Variants in LAMA3 observed in about 807,000 individuals in gnomAD.
LAMA3 encodes laminin subunit alpha 3, also known as laminin subunit alpha-3.
A neutral mutation model predicts 402.0 loss-of-function variants in LAMA3; 281 were observed. The ratio of observed to expected loss-of-function variants is 0.70; its 90% CI spans 0.63 to 0.77. The LOEUF (loss-of-function observed/expected upper bound fraction) is 0.77, where lower values mean the gene tolerates loss of function less well. Ranked by LOEUF, LAMA3 falls within the 30% of genes least tolerant of loss-of-function variation. The pLI, the probability that LAMA3 is intolerant of heterozygous loss-of-function variation, is 0.00. For synonymous variants in LAMA3, 1,431 were observed against 1,558.4 expected, an observed-to-expected ratio of 0.92 and a Z score of 1.93; for missense variants, 3,840 against 4,215.5, an observed-to-expected ratio of 0.91 and a Z score of 2.47.
chr18:23,767,819 C>T (rs766228291), intron 8 of LAMA3, among the ~76,000 whole-genome samples: 5 of 151,936 alleles, frequency 3.3e-5, no homozygotes, highest in African/African-American at 7.3e-5. Flanking sequence ...GTGACCCACC[C>T]GCTTCAGCCT....
intron 1 of LAMA3, among the ~76,000 whole-genome samples, chr18:23,697,502 C>T (rs1380308446): frequency 1.3e-5 from 2 of 152,170 alleles, no homozygotes; most frequent in Non-Finnish European, 2.9e-5. Flanking sequence ...GGTGCCTCCA[C>T]TGAGACTTCC....
At position 23,718,372 on chromosome 18, in the gene LAMA3, C is replaced by T. The variant is rs190152214; in HGVS notation, c.447+4300C>T. Among the ~76,000 whole-genome samples, 543 of 152,128 alleles carry T rather than the reference C, an allele frequency of 3.6e-3. 6 individuals carry two copies. Among genetic ancestry groups the T allele is most frequent in the Admixed American group, 5.4e-3 (83 of 15,288 alleles). On this transcript the variant is annotated intron_variant, in intron 2 of 74. Transcript: ENST00000313654. ...GTTCCTATGGTCCATGACTTCAGCC[C>T]CCGCAGAGCAAGCCTGACTCATTGT...
At chr18:23,849,420 C>A (rs1425979364) in intron 32 of LAMA3, among the ~76,000 whole-genome samples, 1 of 152,130 alleles carries the variant, frequency 6.6e-6, no homozygotes, top group Non-Finnish European at 1.5e-5. Context: ...GCAAAGGAAC[C>A]AAGGGGGAGA....
chr18:23,855,170 TATTA>T (rs1301934069), intron 32 of LAMA3, among the ~76,000 whole-genome samples: 1 of 152,202 alleles, frequency 6.6e-6, no homozygotes, highest in African/African-American at 2.4e-5. Flanking sequence ...ACCAGCATCT[TATTA>T]ATTCACCCTT....
intron 2 of LAMA3, among the ~76,000 whole-genome samples, chr18:23,733,450 C>G (rs770725732): frequency 6.8e-6 from 1 of 147,258 alleles, no homozygotes; most frequent in Non-Finnish European, 1.5e-5. Flanking sequence ...AGGGGTTTTC[C>G]CTTATAAAAC....
intron 58 of LAMA3, 105 bp downstream of exon 58, chr18:23,914,965 C>G: frequency 1.0e-6 from 1 of 970,044 alleles, no homozygotes; most frequent in South Asian, 1.4e-5. Flanking sequence ...TGGATTTAAC[C>G]GCACATTCTT....
intron 32 of LAMA3, among the ~76,000 whole-genome samples, chr18:23,850,780 C>T (rs7237244): frequency 0.031 from 4,676 of 152,318 alleles, 328 homozygotes; most frequent in Admixed American, 0.16. Context: ...TCTGAACATA[C>T]AAAAGGGCTA....
Position 23,871,438 on chromosome 18 carries a change from TC to T in LAMA3, c.4776del (p.Phe1592LeufsTer15). ...HGRVHVVEGN[F>X]RHASSRAPVS... ...TTCTGTTTCCATGTGTAGGGAAACT[TC>T]AGACATGCCAGCAGCCGTGCCCCAG... On this transcript the variant is annotated frameshift_variant, in exon 38 of 75. Transcript: ENST00000313654. LOFTEE classifies it high-confidence loss of function. 1 of 1,613,676 alleles carries T rather than the reference TC, an allele frequency of 6.2e-7. No individual in the cohort carries two copies. Among genetic ancestry groups the T allele is most frequent in the Admixed American group, 1.7e-5 (1 of 59,988 alleles).
At chr18:23,703,516 T>G (rs1309295662) in intron 1 of LAMA3, among the ~76,000 whole-genome samples, 1 of 152,174 alleles carries the variant, frequency 6.6e-6, no homozygotes, top group Non-Finnish European at 1.5e-5. Flanking sequence ...CACCTAGAAT[T>G]TGGAGTTTTG....
intron 17 of LAMA3, among the ~76,000 whole-genome samples, chr18:23,816,156 TGTTTTGGTTTTG>T (rs919517852): frequency 6.6e-6 from 1 of 152,222 alleles, no homozygotes. Flanking sequence ...TTTTTGTTTT[TGTTTTGGTTTTG>T]GTTTTGGTTT....
intron 2 of LAMA3, among the ~76,000 whole-genome samples, chr18:23,745,781 A>G (rs551703115): frequency 3.4e-4 from 52 of 152,318 alleles, no homozygotes; most frequent in Non-Finnish European, 5.9e-4. Context: ...CTATTAGATA[A>G]ATAGTTTTTT....
intron 74 of LAMA3, 102 bp from the exon 75 acceptor site, chr18:23,954,401 T>TAAAA (rs11406615): frequency 1.7e-4 from 118 of 679,590 alleles, no homozygotes; most frequent in Non-Finnish European, 2.3e-4. Flanking sequence ...GGACCCTGTC[T>TAAAA]AAAAAAAAAA....
At chr18:23,942,037 C>T (rs1489571392) in intron 68 of LAMA3, among the ~76,000 whole-genome samples, 1 of 152,180 alleles carries the variant, frequency 6.6e-6, no homozygotes, top group African/African-American at 2.4e-5. Flanking sequence ...ACATTGCCCT[C>T]AAGGAAACTT....
chr18:23,898,151 G>A (rs561231516), intron 44 of LAMA3: 1 of 154,800 alleles, frequency 6.5e-6, no homozygotes, highest in Non-Finnish European at 1.4e-5. Flanking sequence ...GAGTAATGAG[G>A]CAATTTAGCC....
chr18:23,821,443 A>C (rs779627412), intron 19 of LAMA3, among the ~76,000 whole-genome samples: 7 of 152,192 alleles, frequency 4.6e-5, no homozygotes, highest in African/African-American at 7.2e-5. Context: ...CCTTCCTTTT[A>C]AACAAAGAAG....
At chr18:23,802,524 C>G (rs57049758) in intron 12 of LAMA3, among the ~76,000 whole-genome samples, 1 of 152,214 alleles carries the variant, frequency 6.6e-6, no homozygotes, top group Non-Finnish European at 1.5e-5. Flanking sequence ...TTTTGAAGAA[C>G]AGTTCATTTT....
At chr18:23,903,248 A>G (rs1450724468) in intron 49 of LAMA3, 123 bp downstream of exon 49, 4 of 686,124 alleles carry the variant, frequency 5.8e-6, no homozygotes, top group Non-Finnish European at 1.1e-5. Context: ...GATGGAAGAG[A>G]ATATAATGAA....
intron 68 of LAMA3, among the ~76,000 whole-genome samples, chr18:23,943,289 G>A (rs769303760): frequency 4.6e-5 from 7 of 152,216 alleles, no homozygotes; most frequent in Non-Finnish European, 1.0e-4. Flanking sequence ...CAGGGGCTGT[G>A]GGAAGCGAGA....
At chr18:23,940,788 A>C (rs73400378) in intron 68 of LAMA3, among the ~76,000 whole-genome samples, 1 of 151,958 alleles carries the variant, frequency 6.6e-6, no homozygotes, top group African/African-American at 2.4e-5. Flanking sequence ...ATTTTCCAAA[A>C]CTGTGCTAGT....
Sources: allele counts gnomAD v4.1 joint callset (sites outside exome capture counted in the v4.1 genomes callset), GRCh38; gene constraint gnomAD v4.1.1; transcripts MANE v1.5; gene names NCBI Gene and HGNC (gene_info 2026-07-23, HGNC 2026-07-21).